Variants in MRGPRX3 observed in about 807,000 individuals in gnomAD.
MRGPRX3 encodes the protein mas-related G protein-coupled receptor member X3.
In MRGPRX3, 14 loss-of-function variants were observed where a neutral mutation model predicts 16.5. That is an observed-to-expected ratio of 0.85 (90% CI 0.56 to 1.33). The LOEUF (loss-of-function observed/expected upper bound fraction) is 1.33. MRGPRX3 is among the 40% of genes most tolerant of loss of function. MRGPRX3 has a pLI of 0.00. For missense variants in MRGPRX3, 449 were observed against 413.0 expected, an observed-to-expected ratio of 1.09 and a Z score of -0.76; for synonymous variants, 199 against 180.1, an observed-to-expected ratio of 1.10 and a Z score of -0.84.
intron 1 of MRGPRX3, among the ~76,000 whole-genome samples, chr11:18,135,404 A>T (rs1176971343): frequency 1.3e-5 from 2 of 152,094 alleles, no homozygotes; most frequent in Non-Finnish European, 2.9e-5. Context: ...TTTTGGGCCA[A>T]TCAGAGCTGT....
At chr11:18,128,985 A>G (rs944146774), upstream of MRGPRX3, among the ~76,000 whole-genome samples, 1 of 152,270 alleles carries the variant, frequency 6.6e-6, no homozygotes, top group Non-Finnish European at 1.5e-5. Flanking sequence ...TAAAAATTCT[A>G]TAAACTGAAT....
Position 18,137,957 on chromosome 11 carries a change from A to G in MRGPRX3, c.755A>G (p.His252Arg). Residue 252 changes from histidine (H) to arginine (R), a missense_variant, in exon 2 of 2, where the codon CAT (histidine) becomes CGT (arginine). By Grantham distance (29) the His-to-Arg change is conservative (BLOSUM62 0). Coordinates refer to ENST00000621697, the MANE Select transcript of MRGPRX3 (RefSeq NM_001370464.1). Reference protein sequence around the residue: ...IHLDWKVLFCHVHLVSIFLSA... With the variant: ...IHLDWKVLFCRVHLVSIFLSA... ...CTGGATTGGAAAGTCTTATTTTGTC[A>G]TGTGCATCTAGTTTCCATTTTCCTG... 1 of 1,613,970 alleles carries G rather than the reference A, an allele frequency of 6.2e-7. No individual in the cohort carries two copies. Among genetic ancestry groups the G allele is most frequent in the Non-Finnish European group, 8.5e-7 (1 of 1,179,998 alleles).
chr11:18,123,216 C>T (rs1590301962), intron 1 of MRGPRX3, among the ~76,000 whole-genome samples: 1 of 152,092 alleles, frequency 6.6e-6, no homozygotes, highest in South Asian at 2.1e-4. Flanking sequence ...TCAATTTTGG[C>T]TTTTGTTGCC....
intron 1 of MRGPRX3, among the ~76,000 whole-genome samples, chr11:18,124,204 A>G (rs917069391): frequency 3.3e-5 from 5 of 152,086 alleles, no homozygotes; most frequent in African/African-American, 4.8e-5. Context: ...TGATTGCCCT[A>G]GCCAGAACTT....
intron 1 of MRGPRX3, among the ~76,000 whole-genome samples, chr11:18,122,876 A>C (rs1455053357): frequency 6.6e-6 from 1 of 152,118 alleles, no homozygotes; most frequent in East Asian, 1.9e-4. Context: ...AATGATTGCC[A>C]TTCTAACTGG....
chr11:18,123,200 C>T (rs888942209), intron 1 of MRGPRX3, among the ~76,000 whole-genome samples: 142 of 152,262 alleles, frequency 9.3e-4, no homozygotes, highest in African/African-American at 2.9e-3. Flanking sequence ...CATTAGATCC[C>T]ATTTGTCAAT....
chr11:18,122,778 G>A lies in MRGPRX3; in HGVS notation c.-152+1614G>A, dbSNP rs1848852917. Among the ~76,000 whole-genome samples, 4 of 152,278 alleles carry A rather than the reference G, an allele frequency of 2.6e-5. No homozygotes were observed. In the South Asian group the frequency reaches 8.3e-4, roughly 32 times the overall value. The stretch of plus-strand genomic sequence containing the variant: ...AATCGCCACACTCTCTTCCACAATG[G>A]TTGAACTAGTTTACACTCCCACCAA... On this transcript the variant is annotated intron_variant, in intron 1 of 2. Transcript: ENST00000396275.
rs1309440098 is a variant in MRGPRX3 at position 18,137,570 on chromosome 11, C to T, written c.368C>T (p.Ser123Phe). 9 of 1,614,198 alleles carry T rather than the reference C, an allele frequency of 5.6e-6. No individual in the cohort carries two copies. In the East Asian group the frequency reaches 1.8e-4, roughly 32 times the overall value. Residue 123 changes from serine (S) to phenylalanine (F), a missense_variant, in exon 2 of 2, where the codon TCC (serine) becomes TTC (phenylalanine). Transcript: ENST00000621697. ...LSAISTERCL[S>F]ILWPIWYHCR... ...GCCATCAGCACCGAGCGCTGCCTGT[C>T]CATCCTGTGGCCCATCTGGTACCAC...
chr11:18,134,175 T>C (rs918937880), intron 1 of MRGPRX3, among the ~76,000 whole-genome samples: 10 of 152,206 alleles, frequency 6.6e-5, no homozygotes, highest in Non-Finnish European at 7.3e-5. Flanking sequence ...GAAAATAAAA[T>C]GTAATTTTAA....
At chr11:18,132,089 A>G (rs1187259412), upstream of MRGPRX3, among the ~76,000 whole-genome samples, 1 of 152,250 alleles carries the variant, frequency 6.6e-6, no homozygotes, top group East Asian at 1.9e-4. Flanking sequence ...ATTTAATTTC[A>G]CAGAATTTAA....
At chr11:18,126,619 T>C (rs1848899039) in intron 1 of MRGPRX3, among the ~76,000 whole-genome samples, 2 of 152,134 alleles carry the variant, frequency 1.3e-5, no homozygotes, top group Admixed American at 1.3e-4. Context: ...ATTAGGTATA[T>C]CTCCTAATGC....
chr11:18,137,934 G>A lies in MRGPRX3; in HGVS notation c.732G>A (p.Leu244=), dbSNP rs756961889. The A allele has an allele frequency of 3.1e-6, 5 of 1,614,134 alleles. No homozygotes were observed. Among genetic ancestry groups the A allele is most frequent in the Non-Finnish European group, 4.2e-6 (5 of 1,180,030 alleles). Residue 244 remains leucine, a synonymous_variant, in exon 2 of 2, where the codon CTG becomes CTA. Transcript: ENST00000621697. ...GGGCCCTGTTTTCCAGGATCCACCT[G>A]GATTGGAAAGTCTTATTTTGTCATG... The part of the protein sequence containing the change: ...IQWALFSRIH[L]DWKVLFCHVH...
At chr11:18,132,174 G>A (rs1314707947), upstream of MRGPRX3, among the ~76,000 whole-genome samples, 7 of 152,116 alleles carry the variant, frequency 4.6e-5, no homozygotes, top group Non-Finnish European at 8.8e-5. Flanking sequence ...TCTGGACAAT[G>A]GGACTCTAGA....
Position 18,137,371 on chromosome 11 carries a change from C to T in MRGPRX3, c.169C>T (p.Arg57Cys), listed in dbSNP as rs373134264. The change falls in exon 2 of 2, where the codon CGC becomes TGC. Residue 57 changes from arginine to cysteine, a missense_variant. Coordinates refer to ENST00000621697, the MANE Select transcript of MRGPRX3 (RefSeq NM_001370464.1). Reference protein sequence around the residue: ...VVLWLLGCRMRRNAVSIYILN... With the variant: ...VVLWLLGCRMCRNAVSIYILN... ...GCTCTGGCTCCTGGGCTGCCGCATG[C>T]GCAGGAACGCTGTCTCCATCTACAT... 4.3e-5 allele frequency: 70 copies of T among 1,614,076 alleles called. No individual in the cohort carries two copies. Among genetic ancestry groups the T allele is most frequent in the East Asian group, 2.7e-4 (12 of 44,896 alleles).
intron 1 of MRGPRX3, among the ~76,000 whole-genome samples, chr11:18,124,048 G>A (rs1385080483): frequency 1.3e-5 from 2 of 152,172 alleles, no homozygotes; most frequent in Non-Finnish European, 2.9e-5. Flanking sequence ...TGTATCCTGA[G>A]ACTTTGCTGA....
At chr11:18,126,352 G>C (rs1824766828) in intron 1 of MRGPRX3, among the ~76,000 whole-genome samples, 1 of 152,034 alleles carries the variant, frequency 6.6e-6, no homozygotes, top group African/African-American at 2.4e-5. Flanking sequence ...TCCATGTTTA[G>C]TGCTTCCTTC....
At chr11:18,126,761 G>A (rs1349795388) in intron 1 of MRGPRX3, among the ~76,000 whole-genome samples, 2 of 152,032 alleles carry the variant, frequency 1.3e-5, no homozygotes, top group Admixed American at 6.5e-5. Context: ...TTGTCTTTGC[G>A]ATAGTTTGCT....
upstream of MRGPRX3, among the ~76,000 whole-genome samples, chr11:18,130,877 C>A (rs1848955236): frequency 6.6e-6 from 1 of 151,982 alleles, no homozygotes; most frequent in East Asian, 1.9e-4. Flanking sequence ...AGAAATAAAG[C>A]CAAATAATTA....
chr11:18,134,612 C>T (rs925459685), intron 1 of MRGPRX3, among the ~76,000 whole-genome samples: 1 of 152,144 alleles, frequency 6.6e-6, no homozygotes, highest in African/African-American at 2.4e-5. Context: ...AAATGACACT[C>T]TTCGAGATCT....
Sources: gnomAD v4.1 joint callset for allele counts (sites outside exome capture counted in the v4.1 genomes callset) on GRCh38, gnomAD v4.1.1 for gene constraint, MANE v1.5 for transcripts, NCBI Gene and HGNC (gene_info 2026-07-23, HGNC 2026-07-21) for gene names.